The following NCAM1 variants were observed in gnomAD, a reference collection of about 807,000 sequenced individuals.
The protein encoded by NCAM1 is antigen recognized by monoclonal antibody 5.1H11.
NCAM1 carries 14 observed loss-of-function variants against 109.8 expected under a neutral mutation model. The ratio of observed to expected loss-of-function variants is 0.13; its 90% CI spans 0.08 to 0.20. NCAM1 has a LOEUF of 0.20. Ranked by LOEUF, NCAM1 falls within the 10% of genes least tolerant of loss-of-function variation. The pLI is 1.00. For synonymous variants in NCAM1, 418 were observed against 442.9 expected (o/e 0.94, Z 0.70); for missense variants, 774 against 1,109.9 (o/e 0.70, Z 4.30).
At chr11:112,968,352 T>C (rs1370562640) in intron 1 of NCAM1, among the ~76,000 whole-genome samples, 9 of 152,188 alleles carry the variant, frequency 5.9e-5, no homozygotes, top group Admixed American at 5.2e-4. Context: ...AAGTGCCCGA[T>C]TGGCAGGGCA....
At chr11:113,202,299 C>T in intron 1 of NCAM1, 80 bp from the exon 2 acceptor site, 1 of 1,355,732 alleles carries the variant, frequency 7.4e-7, no homozygotes, top group East Asian at 2.5e-5. Flanking sequence ...CATTCTTGAA[C>T]ATTGGAATGT....
chr11:113,221,705 A>T lies in NCAM1; in HGVS notation c.1089+380A>T, dbSNP rs148468061. The T allele has an allele frequency of 3.6e-3, 631 of 176,212 alleles. 2 individuals carry two copies. Among genetic ancestry groups the T allele is most frequent in the African/African-American group, 0.014 (596 of 42,316 alleles). 10.9% of individuals were successfully genotyped at this position (176,212 alleles called of 1,614,324 possible). On this transcript the variant is annotated intron_variant, in intron 9 of 19. Transcript: ENST00000316851. ...GGACCATAAAGTCACAGAGTTAGTG[A>T]TCTAAAAACCCACTCCTCCCTTTCC...
chr11:113,044,979 C>T (rs1241855594), intron 1 of NCAM1, among the ~76,000 whole-genome samples: 2 of 152,110 alleles, frequency 1.3e-5, no homozygotes, highest in Non-Finnish European at 2.9e-5. Context: ...TGGTCTTGAT[C>T]TTCTGACCTC....
chr11:113,102,122 G>A (rs1939903566), intron 1 of NCAM1, among the ~76,000 whole-genome samples: 1 of 152,092 alleles, frequency 6.6e-6, no homozygotes, highest in Admixed American at 6.5e-5. Context: ...CTCTACCCTT[G>A]TATAATGTCG....
chr11:113,271,914 A>G (rs1555125511), intron 19 of NCAM1, 38 bp downstream of exon 19: 7 of 1,484,738 alleles, frequency 4.7e-6, no homozygotes, highest in Middle Eastern at 2.1e-4. Flanking sequence ...TGCTCCGTAG[A>G]GACCCCCACA....
intron 1 of NCAM1, among the ~76,000 whole-genome samples, chr11:113,131,697 C>A (rs1429761621): frequency 6.6e-6 from 1 of 152,172 alleles, no homozygotes; most frequent in African/African-American, 2.4e-5. Context: ...GATGTCAAAT[C>A]TCTGCTGTCT....
intron 1 of NCAM1, among the ~76,000 whole-genome samples, chr11:113,001,827 G>A (rs1951760847): frequency 6.6e-6 from 1 of 152,126 alleles, no homozygotes; most frequent in African/African-American, 2.4e-5. Context: ...CAGTGGTGAG[G>A]TGCAGTATTT....
At chr11:113,250,201 G>A (rs1184193518) in intron 15 of NCAM1, among the ~76,000 whole-genome samples, 1 of 152,230 alleles carries the variant, frequency 6.6e-6, no homozygotes, top group African/African-American at 2.4e-5. Flanking sequence ...CTGCCCGGCT[G>A]TTCTTCGGGA....
chr11:113,004,371 T>C (rs945913209), intron 1 of NCAM1, among the ~76,000 whole-genome samples: 1 of 152,024 alleles, frequency 6.6e-6, no homozygotes. Context: ...CACGTGCCTG[T>C]AATCCCAGCT....
At chr11:113,034,350 G>T (rs1220322841) in intron 1 of NCAM1, among the ~76,000 whole-genome samples, 2 of 152,054 alleles carry the variant, frequency 1.3e-5, no homozygotes, top group Middle Eastern at 3.4e-3. Flanking sequence ...AACCCTAAAT[G>T]CTTTGCTGTA....
chr11:113,076,009 C>T lies in NCAM1; in HGVS notation c.52+114345C>T, dbSNP rs576377744. 6.6e-5 allele frequency among the ~76,000 whole-genome samples: 10 copies of T among 152,274 alleles called. No individual in the cohort carries two copies. In the East Asian group the frequency reaches 1.9e-3, roughly 29 times the overall value. On this transcript the variant is annotated intron_variant, in intron 1 of 19. Transcript: ENST00000316851. ...GAATTTCAGATACTAAAAGAAATGC[C>T]TAAAACCATCAATGTCTTCACCATT...
chr11:113,214,579 C>G (rs1401707066), intron 8 of NCAM1, 68 bp downstream of exon 8: 6 of 1,501,734 alleles, frequency 4.0e-6, no homozygotes, highest in Non-Finnish European at 5.4e-6. Flanking sequence ...TCTGCTCATG[C>G]CCAGTTCTCT....
chr11:113,254,316 T>C (rs1945781008), intron 15 of NCAM1, among the ~76,000 whole-genome samples: 1 of 152,232 alleles, frequency 6.6e-6, no homozygotes, highest in African/African-American at 2.4e-5. Context: ...TTGTCCTTAA[T>C]TATTGATCTA....
chr11:113,169,768 T>C (rs926017206), intron 1 of NCAM1, among the ~76,000 whole-genome samples: 1 of 151,774 alleles, frequency 6.6e-6, no homozygotes, highest in African/African-American at 2.4e-5. Flanking sequence ...GCTGGGATGA[T>C]AGGTGCCTGC....
At chr11:113,133,798 T>C (rs988518450) in intron 1 of NCAM1, 1 of 152,184 alleles carries the variant, frequency 6.6e-6, no homozygotes, top group Non-Finnish European at 1.5e-5. Flanking sequence ...GAGAGGGATG[T>C]TAATATTGCT....
intron 8 of NCAM1, among the ~76,000 whole-genome samples, chr11:113,220,858 C>T (rs1944672960): frequency 6.6e-6 from 1 of 152,000 alleles, no homozygotes; most frequent in African/African-American, 2.4e-5. Context: ...ATCTGCCTGC[C>T]TCGGCCTCCC....
At chr11:113,129,410 G>T (rs1458072635) in intron 1 of NCAM1, among the ~76,000 whole-genome samples, 1 of 152,130 alleles carries the variant, frequency 6.6e-6, no homozygotes, top group Non-Finnish European at 1.5e-5. Flanking sequence ...ACTATAATGA[G>T]ATTCTTTTTG....
At chr11:113,264,656 C>T in intron 17 of NCAM1, 1 of 985,520 alleles carries the variant, frequency 1.0e-6, no homozygotes, top group Non-Finnish European at 1.2e-6. Context: ...ATCCCAGGAC[C>T]ACCCACAGGA....
chr11:113,178,912 G>A (rs1943250043), intron 1 of NCAM1, among the ~76,000 whole-genome samples: 1 of 152,216 alleles, frequency 6.6e-6, no homozygotes, highest in Non-Finnish European at 1.5e-5. Flanking sequence ...GCTGGAAGAA[G>A]CAGGCTCTTG....
Sources: allele counts gnomAD v4.1 joint callset (sites outside exome capture counted in the v4.1 genomes callset), GRCh38; gene constraint gnomAD v4.1.1; transcripts MANE v1.5; gene names NCBI Gene and HGNC (gene_info 2026-07-23, HGNC 2026-07-21).